PKIB: variants seen among roughly 807,000 people sequenced by gnomAD.
PKIB encodes PKI-beta.
Under a neutral mutation model 4.5 loss-of-function variants are expected in PKIB, and 2 were observed. That is an observed-to-expected ratio of 0.44 (90% confidence interval 0.18 to 1.39). The LOEUF is 1.39. Ranked by LOEUF, PKIB falls within the 40% of genes most tolerant of loss-of-function variation. PKIB has a pLI of 0.27. For missense variants in PKIB, 94 were observed against 92.6 expected, an observed-to-expected ratio of 1.02 and a Z score of -0.06; for synonymous variants, 38 against 36.0, an observed-to-expected ratio of 1.06 and a Z score of -0.20.
rs149747118 is a variant in PKIB at position 122,684,901 on chromosome 6, G to T, written c.-9+9757G>T. ...AAATAAGAAAAATAAACTGGATAAG[G>T]TATGCTTTGGTCAAGGTCAGATACA... On this transcript the variant is annotated intron_variant, in intron 3 of 4. Coordinates refer to ENST00000368452, the MANE Select transcript of PKIB (RefSeq NM_181795.3). 9.4e-4 allele frequency among the ~76,000 whole-genome samples: 143 copies of T among 152,196 alleles called. 4 individuals carry two copies. In the East Asian group the frequency reaches 0.025, roughly 27 times the overall value.
chr6:122,628,969 G>A (rs1470890885), intron 1 of PKIB, among the ~76,000 whole-genome samples: 1 of 152,140 alleles, frequency 6.6e-6, no homozygotes, highest in Non-Finnish European at 1.5e-5. Flanking sequence ...GCTGGGATGT[G>A]CCCTCAGAAT....
chr6:122,521,041 A>G (rs9375143), intron 2 of PKIB, among the ~76,000 whole-genome samples: 18,862 of 152,200 alleles, frequency 0.12, 1,310 homozygotes, highest in East Asian at 0.21. Flanking sequence ...GTTGTGGGAT[A>G]TGCAGTCTGG....
intron 2 of PKIB, among the ~76,000 whole-genome samples, chr6:122,650,503 C>T (rs896360538): frequency 1.2e-4 from 18 of 152,136 alleles, no homozygotes; most frequent in Non-Finnish European, 1.3e-4. Context: ...GATCAACTAG[C>T]CAATTCCAAA....
At chr6:122,622,038 G>A (rs1343422426) in intron 1 of PKIB, among the ~76,000 whole-genome samples, 1 of 152,062 alleles carries the variant, frequency 6.6e-6, no homozygotes, top group Admixed American at 6.5e-5. Context: ...TAGGGTGTGT[G>A]GAACTAAGGA....
At chr6:122,572,093 G>GT (rs915969814) in intron 2 of PKIB, among the ~76,000 whole-genome samples, 39 of 152,092 alleles carry the variant, frequency 2.6e-4, no homozygotes, top group African/African-American at 8.9e-4. Flanking sequence ...TGGTAAAGGG[G>GT]TGGAAGAAGG....
At chr6:122,628,908 A>C (rs990306728) in intron 1 of PKIB, among the ~76,000 whole-genome samples, 3 of 152,194 alleles carry the variant, frequency 2.0e-5, no homozygotes, top group African/African-American at 7.2e-5. Flanking sequence ...TTGTGTATAC[A>C]GGAAACATTC....
intron 2 of PKIB, among the ~76,000 whole-genome samples, chr6:122,656,368 T>G (rs1776776271): frequency 6.6e-6 from 1 of 152,198 alleles, no homozygotes; most frequent in African/African-American, 2.4e-5. Context: ...TGCTATACAG[T>G]TGAAAAGAAT....
At chr6:122,626,086 A>T (rs895144254) in intron 1 of PKIB, among the ~76,000 whole-genome samples, 1 of 152,038 alleles carries the variant, frequency 6.6e-6, no homozygotes, top group Non-Finnish European at 1.5e-5. Context: ...AGATAGATAG[A>T]TAGATAGATA....
intron 2 of PKIB, among the ~76,000 whole-genome samples, chr6:122,645,820 A>T (rs1041115807): frequency 1.4e-4 from 21 of 152,210 alleles, no homozygotes; most frequent in Non-Finnish European, 2.9e-4. Flanking sequence ...GAAGGTCTTT[A>T]AAGATGCTGA....
chr6:122,704,541 C>A (rs150787143), intron 3 of PKIB, among the ~76,000 whole-genome samples: 1 of 151,986 alleles, frequency 6.6e-6, no homozygotes, highest in African/African-American at 2.4e-5. Context: ...ATTTCAAAGG[C>A]TAAACTCCAG....
chr6:122,562,034 A>G (rs373856131), intron 2 of PKIB, among the ~76,000 whole-genome samples: 1 of 23,578 alleles, frequency 4.2e-5, no homozygotes, highest in African/African-American at 1.7e-4. Context: ...TTTAACTTGT[A>G]TTTTTGCTGT....
chr6:122,620,604 T>C (rs138098657), intron 1 of PKIB, among the ~76,000 whole-genome samples: 196 of 152,252 alleles, frequency 1.3e-3, no homozygotes, highest in African/African-American at 4.5e-3. Context: ...GGCATGAAAG[T>C]GGTTATACAT....
At chr6:122,475,507 C>T (rs1339167032) in intron 1 of PKIB, among the ~76,000 whole-genome samples, 1 of 151,962 alleles carries the variant, frequency 6.6e-6, no homozygotes, top group Non-Finnish European at 1.5e-5. Context: ...AAAAATAGGC[C>T]GGGTGTGGTG....
intron 2 of PKIB, among the ~76,000 whole-genome samples, chr6:122,539,781 G>A (rs1223244921): frequency 6.6e-6 from 1 of 152,002 alleles, no homozygotes; most frequent in Admixed American, 6.6e-5. Context: ...TGTACCTCTG[G>A]TAGAATTCGG....
chr6:122,511,224 C>T (rs986537488), intron 2 of PKIB, among the ~76,000 whole-genome samples: 13 of 152,162 alleles, frequency 8.5e-5, no homozygotes, highest in African/African-American at 2.9e-4. Context: ...CTCTTCAACT[C>T]TTTCCCAATT....
chr6:122,512,549 G>A (rs189701534), intron 2 of PKIB, among the ~76,000 whole-genome samples: 6 of 152,208 alleles, frequency 3.9e-5, no homozygotes, highest in Admixed American at 3.3e-4. Flanking sequence ...TGGACTCTCT[G>A]GACCATCTTG....
At chr6:122,616,631 T>A (rs1005114559) in intron 1 of PKIB, among the ~76,000 whole-genome samples, 3 of 152,158 alleles carry the variant, frequency 2.0e-5, no homozygotes, top group Non-Finnish European at 2.9e-5. Flanking sequence ...GGGATTGGGT[T>A]AAGGACGAAA....
At chr6:122,485,854 A>G (rs909404148) in intron 2 of PKIB, among the ~76,000 whole-genome samples, 5 of 152,172 alleles carry the variant, frequency 3.3e-5, no homozygotes, top group Admixed American at 3.3e-4. Flanking sequence ...CTTTTGGATT[A>G]TTGCTGTATG....
At chr6:122,704,451 C>A (rs976703742) in intron 3 of PKIB, among the ~76,000 whole-genome samples, 4 of 152,026 alleles carry the variant, frequency 2.6e-5, no homozygotes, top group Non-Finnish European at 5.9e-5. Context: ...TAGGTGCTTT[C>A]ATCCTAAAAT....
Sources: allele counts gnomAD v4.1 joint callset (sites outside exome capture counted in the v4.1 genomes callset), GRCh38; gene constraint gnomAD v4.1.1; transcripts MANE v1.5; gene names NCBI Gene and HGNC (gene_info 2026-07-23, HGNC 2026-07-21).